The following MYO3B variants were observed in gnomAD, a reference collection of about 807,000 sequenced individuals.
MYO3B encodes myosin-IIIb.
In MYO3B, 156 loss-of-function variants were observed where a neutral mutation model predicts 174.6. The observed-to-expected ratio is 0.89, with a 90% CI of 0.78 to 1.02. MYO3B has a LOEUF of 1.02. Ranked by LOEUF, MYO3B falls within the 50% of genes least tolerant of loss-of-function variation. The pLI, the probability that MYO3B is intolerant of heterozygous loss-of-function variation, is 0.00. For synonymous variants in MYO3B, 563 were observed against 569.1 expected (o/e 0.99, Z 0.15); for missense variants, 1,632 against 1,639.4 (o/e 1.00, Z 0.08).
intron 8 of MYO3B, among the ~76,000 whole-genome samples, chr2:170,360,224 T>G (rs1470723286): frequency 1.3e-5 from 2 of 152,186 alleles, no homozygotes; most frequent in East Asian, 3.8e-4. Flanking sequence ...GAATTGTGGA[T>G]TTAATTCAGG....
At chr2:170,258,968 T>C (rs1215638681) in intron 7 of MYO3B, among the ~76,000 whole-genome samples, 1 of 151,692 alleles carries the variant, frequency 6.6e-6, no homozygotes, top group Non-Finnish European at 1.5e-5. Flanking sequence ...CAATTTACAA[T>C]ACACACACAC....
intron 20 of MYO3B, among the ~76,000 whole-genome samples, chr2:170,405,312 CAGG>C (rs1305656316): frequency 6.6e-6 from 1 of 152,130 alleles, no homozygotes; most frequent in African/African-American, 2.4e-5. Flanking sequence ...TTAGAAACAG[CAGG>C]AGAATATACG....
chr2:170,622,120 T>C lies in MYO3B; in HGVS notation c.3734-29508T>C, dbSNP rs755849109. On this transcript the variant is annotated intron_variant, in intron 32 of 34. Transcript: ENST00000408978. ...ATCTAAATCTTACATCCTTTACTTA[T>C]ATAGTTCTAAAAAGAAAAATGCTCA... Among the ~76,000 whole-genome samples the C allele has an allele frequency of 3.3e-5, 5 of 152,320 alleles. No individual in the cohort carries two copies. In the South Asian group the frequency reaches 6.2e-4, roughly 19 times the overall value.
At position 170,407,891 on chromosome 2, in the gene MYO3B, A is replaced by G. The variant is rs760231185; in HGVS notation, c.2650+47A>G. On this transcript the variant is annotated intron_variant, in intron 22 of 34. Coordinates refer to ENST00000408978, the MANE Select transcript of MYO3B (RefSeq NM_138995.5). Reference sequence around the variant, plus strand: ...GCCCTGCTCTTAAAGCTTTTGCAAGACCAGGTGAAATTTTCCAGTTAGTGT... The same window carrying G: ...GCCCTGCTCTTAAAGCTTTTGCAAGGCCAGGTGAAATTTTCCAGTTAGTGT... The G allele has an allele frequency of 6.2e-6, 10 of 1,608,686 alleles. No homozygotes were observed. The South Asian group carries it at 1.1e-4, about 18-fold the overall frequency.
chr2:170,478,024 AT>A (rs1685421672), intron 25 of MYO3B, among the ~76,000 whole-genome samples: 2 of 152,164 alleles, frequency 1.3e-5, no homozygotes, highest in African/African-American at 4.8e-5. Context: ...TCATGTCTGC[AT>A]TTAAGGCAGG....
chr2:170,612,799 C>T (rs73013504), intron 32 of MYO3B, among the ~76,000 whole-genome samples: 2 of 152,178 alleles, frequency 1.3e-5, no homozygotes, highest in Non-Finnish European at 2.9e-5. Flanking sequence ...GTTAAATTCC[C>T]TAATACTTCA....
At chr2:170,234,177 AAAAAAAAAAACAAAACAAAAC>A in intron 6 of MYO3B, among the ~76,000 whole-genome samples, 1 of 68,108 alleles carries the variant, frequency 1.5e-5, no homozygotes, top group East Asian at 3.5e-4. Context: ...TCTCAAAAAA[AAAAAAAAAAACAAAACAAAAC>A]AAAAAAAAAA....
chr2:170,434,811 A>G (rs2094739469), intron 22 of MYO3B, among the ~76,000 whole-genome samples: 1 of 152,228 alleles, frequency 6.6e-6, no homozygotes, highest in African/African-American at 2.4e-5. Context: ...CAGGCGTGGC[A>G]CCACGCCCAG....
chr2:170,210,873 T>A (rs2092762446), intron 3 of MYO3B, among the ~76,000 whole-genome samples: 1 of 152,212 alleles, frequency 6.6e-6, no homozygotes, highest in East Asian at 1.9e-4. Context: ...AGAGCTTTTT[T>A]ATAGACATCA....
chr2:170,474,472 G>C (rs1232046445), intron 25 of MYO3B, among the ~76,000 whole-genome samples: 3 of 151,722 alleles, frequency 2.0e-5, no homozygotes, highest in Admixed American at 6.6e-5. Flanking sequence ...CATGGTGGCT[G>C]ACGCCTGTAA....
intron 14 of MYO3B, among the ~76,000 whole-genome samples, chr2:170,388,583 G>A (rs2094391836): frequency 6.6e-6 from 1 of 152,152 alleles, no homozygotes; most frequent in South Asian, 2.1e-4. Flanking sequence ...TCAAGCAGGG[G>A]AGTCACCATA....
chr2:170,649,466 A>T (rs186440540), intron 32 of MYO3B, among the ~76,000 whole-genome samples: 15,066 of 131,456 alleles, frequency 0.11, 953 homozygotes, highest in Middle Eastern at 0.21. Flanking sequence ...TATAATACAT[A>T]TTTTTTTCAT....
chr2:170,450,377 A>C (rs2105926601), intron 23 of MYO3B, among the ~76,000 whole-genome samples: 1 of 152,348 alleles, frequency 6.6e-6, no homozygotes, highest in African/African-American at 2.4e-5. Flanking sequence ...TCAAAGGTTT[A>C]CAACACTGGA....
intron 23 of MYO3B, among the ~76,000 whole-genome samples, chr2:170,447,658 C>T (rs1205111857): frequency 6.6e-6 from 1 of 152,166 alleles, no homozygotes; most frequent in Non-Finnish European, 1.5e-5. Context: ...TTCATCTTGG[C>T]CACTGCCTAG....
intron 8 of MYO3B, among the ~76,000 whole-genome samples, chr2:170,343,030 AACACACACACACACACACACAC>A (rs56221872): frequency 2.3e-4 from 31 of 136,016 alleles, no homozygotes; most frequent in African/African-American, 5.3e-4. Flanking sequence ...TCGGGCCTCT[AACACACACACACACACACACAC>A]ACACACACAC....
In MYO3B at chr2:170,467,815, C is replaced by CAAAA. The variant is rs33945733; in HGVS notation, c.3014+1117_3014+1120dup. Among the ~76,000 whole-genome samples, 232 of 110,276 alleles carry CAAAA rather than the reference C, an allele frequency of 2.1e-3. 2 individuals carry two copies. Among genetic ancestry groups the CAAAA allele is most frequent in the Middle Eastern group, 0.014 (3 of 212 alleles). The allele number at this position is 110,276 out of a possible 152,430, so 72.3% of individuals were successfully genotyped here. ...GCTAAATTCCATGGAAAAGATAAGG[C>CAAAA]AAAAAAAAAAAAAAAAGTTCCTTGC... On this transcript the variant is annotated intron_variant, in intron 25 of 34. Transcript: ENST00000408978.
intron 8 of MYO3B, among the ~76,000 whole-genome samples, chr2:170,346,722 A>G (rs896910782): frequency 4.6e-5 from 7 of 152,244 alleles, no homozygotes; most frequent in African/African-American, 7.2e-5. Context: ...CAGGAACTAA[A>G]TATATACTGT....
In MYO3B at chr2:170,237,911, G is replaced by T. The variant is rs143784390; in HGVS notation, c.749+1775G>T. Among the ~76,000 whole-genome samples, 1,235 of 152,306 alleles carry T rather than the reference G, an allele frequency of 8.1e-3. 3 individuals are homozygous for T. Among genetic ancestry groups the T allele is most frequent in the Non-Finnish European group, 0.012 (836 of 68,024 alleles). ...GCAATAATCAGTCAGCAGATTCTCA[G>T]TGTGATTATGTGTGCTCATGTGTGT... is the stretch of plus-strand genomic sequence containing the variant. On this transcript the variant is annotated intron_variant, in intron 7 of 34. Coordinates refer to ENST00000408978, the MANE Select transcript of MYO3B (RefSeq NM_138995.5).
chr2:170,462,878 G>A (rs962093713), intron 23 of MYO3B, among the ~76,000 whole-genome samples: 3 of 151,240 alleles, frequency 2.0e-5, no homozygotes, highest in East Asian at 3.9e-4. Context: ...TCTGCAATGA[G>A]CACATGGGAA....
Sources: gnomAD v4.1 joint callset for allele counts (sites outside exome capture counted in the v4.1 genomes callset) on GRCh38, gnomAD v4.1.1 for gene constraint, MANE v1.5 for transcripts, NCBI Gene and HGNC (gene_info 2026-07-23, HGNC 2026-07-21) for gene names.